The following CCNY variants were observed in gnomAD, a reference collection of about 807,000 sequenced individuals.
The protein encoded by CCNY is cyclin-Y.
Under a neutral mutation model 42.8 loss-of-function variants are expected in CCNY, and 19 were observed. The ratio of observed to expected loss-of-function variants is 0.44; its 90% CI spans 0.31 to 0.65. The LOEUF (loss-of-function observed/expected upper bound fraction) is 0.65. CCNY is among the 30% of genes least tolerant of loss of function. CCNY has a pLI of 0.07. For synonymous variants in CCNY, 165 were observed against 162.7 expected, an observed-to-expected ratio of 1.01 and a Z score of -0.11; for missense variants, 370 against 437.3, an observed-to-expected ratio of 0.85 and a Z score of 1.37.
intron 1 of CCNY, among the ~76,000 whole-genome samples, chr10:35,370,693 T>A (rs1458149569): frequency 6.6e-6 from 1 of 151,878 alleles, no homozygotes; most frequent in Non-Finnish European, 1.5e-5. Context: ...TTTGGTTAAC[T>A]ATCTGATCTT....
chr10:35,349,943 G>C (rs929012078), intron 1 of CCNY, among the ~76,000 whole-genome samples: 2 of 152,156 alleles, frequency 1.3e-5, no homozygotes, highest in Non-Finnish European at 2.9e-5. Flanking sequence ...TGCTTTCTTC[G>C]TATCTGTCAC....
At chr10:35,394,080 G>A (rs1837472728) in intron 1 of CCNY, among the ~76,000 whole-genome samples, 1 of 152,164 alleles carries the variant, frequency 6.6e-6, no homozygotes, top group African/African-American at 2.4e-5. Context: ...TCACTCTCCA[G>A]TGCTCCGTGC....
At chr10:35,493,202 C>T (rs1839937363) in intron 2 of CCNY, among the ~76,000 whole-genome samples, 1 of 152,248 alleles carries the variant, frequency 6.6e-6, no homozygotes, top group South Asian at 2.1e-4. Flanking sequence ...TTCTCCGTAC[C>T]TTTTATCATA....
At chr10:35,406,858 GC>G (rs1837787488) in intron 1 of CCNY, among the ~76,000 whole-genome samples, 1 of 151,708 alleles carries the variant, frequency 6.6e-6, no homozygotes, top group Non-Finnish European at 1.5e-5. Context: ...CGGGCGGGGG[GC>G]TGACCCCCCC....
intron 4 of CCNY, among the ~76,000 whole-genome samples, chr10:35,520,344 C>T (rs886514427): frequency 6.6e-6 from 1 of 152,142 alleles, no homozygotes; most frequent in Non-Finnish European, 1.5e-5. Flanking sequence ...CTACATCTTG[C>T]CCTACTCCTG....
At chr10:35,467,568 T>C (rs1443151886) in intron 1 of CCNY, among the ~76,000 whole-genome samples, 1 of 152,242 alleles carries the variant, frequency 6.6e-6, no homozygotes, top group Admixed American at 6.5e-5. Flanking sequence ...TAAACCATCT[T>C]ATATTTTCTG....
intron 2 of CCNY, among the ~76,000 whole-genome samples, chr10:35,487,746 CTTTCTTTCTTCACACA>C (rs2135373731): frequency 6.6e-6 from 1 of 152,240 alleles, no homozygotes; most frequent in Admixed American, 6.5e-5. Context: ...AGAGTGACTG[CTTTCTTTCTTCACACA>C]AAGAGGATGA....
chr10:35,371,578 G>GC (rs1372760124), intron 1 of CCNY, among the ~76,000 whole-genome samples: 1 of 152,126 alleles, frequency 6.6e-6, no homozygotes, highest in Non-Finnish European at 1.5e-5. Context: ...ACCAAGTCTG[G>GC]CTGTTTGTGA....
intron 7 of CCNY, among the ~76,000 whole-genome samples, chr10:35,543,373 C>T (rs1218683760): frequency 6.6e-6 from 1 of 152,166 alleles, no homozygotes. Flanking sequence ...CACAGTTGAT[C>T]CCCCAGCAAT....
intron 1 of CCNY, among the ~76,000 whole-genome samples, chr10:35,482,434 A>G (rs903822327): frequency 2.6e-5 from 4 of 152,156 alleles, no homozygotes; most frequent in African/African-American, 7.2e-5. Flanking sequence ...TTTCTATGGA[A>G]TCAGTTTTTT....
intron 1 of CCNY, among the ~76,000 whole-genome samples, chr10:35,467,641 A>C (rs1051410429): frequency 1.3e-5 from 2 of 152,200 alleles, no homozygotes; most frequent in African/African-American, 2.4e-5. Flanking sequence ...AATTCCTTGT[A>C]TGTTACGTTT....
intron 1 of CCNY, among the ~76,000 whole-genome samples, chr10:35,465,906 AG>A (rs1839250347): frequency 1.1e-4 from 1 of 8,788 alleles, no homozygotes; most frequent in African/African-American, 3.1e-4. Flanking sequence ...GGTAGGGGGA[AG>A]AGAGAGAGAG....
At chr10:35,501,796 CCCA>C in intron 3 of CCNY, 1 of 385,624 alleles carries the variant, frequency 2.6e-6, no homozygotes. Flanking sequence ...TCAAACATCA[CCCA>C]GCAAGTCCAA....
intron 9 of CCNY, 56 bp from the exon 10 acceptor site, chr10:35,568,997 GA>G: frequency 8.6e-7 from 1 of 1,157,964 alleles, no homozygotes; most frequent in Non-Finnish European, 1.3e-6. Context: ...CAGGACGAGT[GA>G]GCAATGGACG....
intron 3 of CCNY, among the ~76,000 whole-genome samples, chr10:35,278,368 A>C (rs146753053): frequency 0.023 from 3,555 of 151,984 alleles, 51 homozygotes; most frequent in Middle Eastern, 0.037. Context: ...TCCAGGTGAA[A>C]GTCAGTCCCT....
chr10:35,299,125 A>C (rs572278201), intron 3 of CCNY, among the ~76,000 whole-genome samples: 5 of 152,328 alleles, frequency 3.3e-5, no homozygotes, highest in Non-Finnish European at 7.3e-5. Context: ...ATTAAATTGC[A>C]TTTTGTTGGA....
At chr10:35,343,126 C>T (rs1836222118) in intron 1 of CCNY, among the ~76,000 whole-genome samples, 1 of 151,416 alleles carries the variant, frequency 6.6e-6, no homozygotes, top group African/African-American at 2.4e-5. Flanking sequence ...CCTCAGCCTC[C>T]CGAGTAGCTG....
intron 3 of CCNY, among the ~76,000 whole-genome samples, chr10:35,511,760 G>A (rs1369023677): frequency 1.3e-5 from 2 of 152,198 alleles, no homozygotes; most frequent in East Asian, 3.9e-4. Flanking sequence ...ATCTTTGATG[G>A]CCATTAAATA....
intron 8 of CCNY, among the ~76,000 whole-genome samples, chr10:35,556,040 A>AAAGAAAATT (rs1401100914): frequency 6.6e-6 from 1 of 152,230 alleles, no homozygotes; most frequent in Non-Finnish European, 1.5e-5. Context: ...TATTTTGTCC[A>AAAGAAAATT]AAGAAAATTG....
Sources: gnomAD v4.1 joint callset for allele counts (sites outside exome capture counted in the v4.1 genomes callset) on GRCh38, gnomAD v4.1.1 for gene constraint, MANE v1.5 for transcripts, NCBI Gene and HGNC (gene_info 2026-07-23, HGNC 2026-07-21) for gene names.